Variants in TBL1XR1 observed in about 807,000 individuals in gnomAD.
The protein encoded by TBL1XR1 is F-box-like/WD repeat-containing protein TBL1XR1.
A neutral mutation model predicts 66.9 loss-of-function variants in TBL1XR1; 5 were observed. That is an observed-to-expected ratio of 0.07 (90% confidence interval 0.04 to 0.16). The LOEUF (loss-of-function observed/expected upper bound fraction) is 0.16. Among genes scored for constraint, TBL1XR1 ranks in the 10% least tolerant of loss-of-function variants. TBL1XR1 has a pLI of 1.00. For synonymous variants in TBL1XR1, 210 were observed against 206.0 expected, an observed-to-expected ratio of 1.02 and a Z score of -0.17; for missense variants, 238 against 623.2, an observed-to-expected ratio of 0.38 and a Z score of 6.58.
chr3:177,030,170 G>A (rs1222288760), intron 14 of TBL1XR1, among the ~76,000 whole-genome samples: 5 of 151,742 alleles, frequency 3.3e-5, no homozygotes, highest in South Asian at 2.1e-4. Flanking sequence ...ACAGAGAAGC[G>A]TTAGAGAAAC....
chr3:177,038,055 T>A (rs761081334), intron 12 of TBL1XR1, 43 bp downstream of exon 12: 1 of 1,575,372 alleles, frequency 6.3e-7, no homozygotes, highest in Non-Finnish European at 8.7e-7. Flanking sequence ...GCAACCATAC[T>A]GTGTGACACC....
At chr3:177,199,503 G>A (rs760620981), upstream of TBL1XR1, among the ~76,000 whole-genome samples, 12 of 151,484 alleles carry the variant, frequency 7.9e-5, no homozygotes, top group African/African-American at 1.2e-4. Context: ...TATTTTTTAA[G>A]TTTCATATTG....
At chr3:177,118,200 A>G (rs1162086592) in intron 1 of TBL1XR1, among the ~76,000 whole-genome samples, 1 of 152,226 alleles carries the variant, frequency 6.6e-6, no homozygotes, top group Non-Finnish European at 1.5e-5. Flanking sequence ...CAGATCCCAG[A>G]GTCTGTTATT....
intron 10 of TBL1XR1, among the ~76,000 whole-genome samples, chr3:177,045,328 C>A (rs1466193729): frequency 6.6e-6 from 1 of 152,104 alleles, no homozygotes; most frequent in Non-Finnish European, 1.5e-5. Context: ...ACTAAAACCA[C>A]TGGGTATCTT....
intron 2 of TBL1XR1, among the ~76,000 whole-genome samples, chr3:177,090,727 C>T (rs140819150): frequency 6.6e-6 from 1 of 152,230 alleles, no homozygotes; most frequent in Admixed American, 6.5e-5. Context: ...AAGAGAATCA[C>T]TTGAAGAATT....
intron 1 of TBL1XR1, among the ~76,000 whole-genome samples, chr3:177,101,146 C>G (rs577448874): frequency 6.7e-6 from 1 of 149,338 alleles, no homozygotes; most frequent in Admixed American, 6.8e-5. Flanking sequence ...CGTGAGCCAC[C>G]ATGCCCAGCC....
intron 1 of TBL1XR1, among the ~76,000 whole-genome samples, chr3:177,111,668 T>C: frequency 6.6e-6 from 1 of 152,122 alleles, no homozygotes; most frequent in African/African-American, 2.4e-5. Flanking sequence ...GATATGCTGT[T>C]TTAAGAATGC....
chr3:177,172,131 C>T (rs950353208), intron 1 of TBL1XR1, among the ~76,000 whole-genome samples: 16 of 151,864 alleles, frequency 1.1e-4, no homozygotes, highest in African/African-American at 3.6e-4. Flanking sequence ...CATGGTGGCA[C>T]GCACCTGTAA....
chr3:177,159,551 A>G (rs1481868834), intron 1 of TBL1XR1, among the ~76,000 whole-genome samples: 1 of 152,218 alleles, frequency 6.6e-6, no homozygotes, highest in East Asian at 1.9e-4. Flanking sequence ...CAGCAGCATG[A>G]GTTTTTATAT....
chr3:177,043,779 T>C (rs1715941376), intron 10 of TBL1XR1, among the ~76,000 whole-genome samples: 1 of 152,160 alleles, frequency 6.6e-6, no homozygotes, highest in Non-Finnish European at 1.5e-5. Context: ...TCTACCTTCA[T>C]TTGGATTAAT....
intron 13 of TBL1XR1, among the ~76,000 whole-genome samples, 164 bp from the exon 14 acceptor site, chr3:177,033,300 G>A (rs766480356): frequency 3.3e-5 from 5 of 152,234 alleles, no homozygotes; most frequent in African/African-American, 1.2e-4. Context: ...CTTCAAGTCA[G>A]TGACAAGAAA....
intron 2 of TBL1XR1, among the ~76,000 whole-genome samples, chr3:177,071,605 A>C (rs1720026084): frequency 1.3e-5 from 2 of 152,186 alleles, no homozygotes. Flanking sequence ...ATAGTTTTAA[A>C]AAAAAACTGT....
chr3:177,151,662 T>C (rs1215062124), intron 1 of TBL1XR1, among the ~76,000 whole-genome samples: 1 of 152,190 alleles, frequency 6.6e-6, no homozygotes, highest in Non-Finnish European at 1.5e-5. Context: ...AAATCAGCTG[T>C]CCTCCAGAAC....
chr3:177,150,621 G>C (rs1232338969), intron 1 of TBL1XR1, among the ~76,000 whole-genome samples: 2 of 152,204 alleles, frequency 1.3e-5, no homozygotes, highest in Non-Finnish European at 2.9e-5. Context: ...TGATGTTGTA[G>C]AATGTTTCTT....
At chr3:177,112,107 A>ATATATATATATATATATATTTTTT in intron 1 of TBL1XR1, among the ~76,000 whole-genome samples, 2 of 37,650 alleles carry the variant, frequency 5.3e-5, no homozygotes, top group Non-Finnish European at 8.9e-5. Flanking sequence ...ATATATATAT[A>ATATATATATATATATATATTTTTT]TTTTTTTTTT....
At chr3:177,196,773 A>T (rs1736913648) in intron 1 of TBL1XR1, among the ~76,000 whole-genome samples, 1 of 151,808 alleles carries the variant, frequency 6.6e-6, no homozygotes, top group South Asian at 2.1e-4. Context: ...GGGGGTGTAA[A>T]TGCACGAAGG....
At chr3:177,044,759 C>T (rs1197580549) in intron 10 of TBL1XR1, 1 of 152,078 alleles carries the variant, frequency 6.6e-6, no homozygotes. Flanking sequence ...TACTTTGATA[C>T]TATGTACCTC....
At chr3:177,091,975 G>A (rs770386232) in intron 2 of TBL1XR1, among the ~76,000 whole-genome samples, 1 of 152,054 alleles carries the variant, frequency 6.6e-6, no homozygotes, top group East Asian at 1.9e-4. Flanking sequence ...CATCAATGTC[G>A]CCTACTGTCA....
intron 1 of TBL1XR1, among the ~76,000 whole-genome samples, chr3:177,127,965 T>A (rs1727842050): frequency 6.6e-6 from 1 of 152,170 alleles, no homozygotes; most frequent in Admixed American, 6.5e-5. Flanking sequence ...ACGCCTGTAA[T>A]CCCAGCACTT....
Sources: gnomAD v4.1 joint callset for allele counts (sites outside exome capture counted in the v4.1 genomes callset) on GRCh38, gnomAD v4.1.1 for gene constraint, MANE v1.5 for transcripts, NCBI Gene and HGNC (gene_info 2026-07-23, HGNC 2026-07-21) for gene names.